The following ZKSCAN1 variants were observed in gnomAD, a reference collection of about 807,000 sequenced individuals.
ZKSCAN1 encodes zinc finger protein with KRAB and SCAN domains 1.
In ZKSCAN1, 14 loss-of-function variants were observed where a neutral mutation model predicts 51.6. The observed-to-expected ratio is 0.27, with a 90% CI of 0.18 to 0.42. The LOEUF is 0.42. Among genes scored for constraint, ZKSCAN1 ranks in the 10% least tolerant of loss-of-function variants. ZKSCAN1 has a pLI of 1.00. For synonymous variants in ZKSCAN1, 263 were observed against 261.5 expected, an observed-to-expected ratio of 1.01 and a Z score of -0.06; for missense variants, 531 against 710.0, an observed-to-expected ratio of 0.75 and a Z score of 2.86.
At position 100,033,939 on chromosome 7, in the gene ZKSCAN1, G is replaced by A; in HGVS notation, c.1434G>A (p.Lys478=). Residue 478 remains lysine, a synonymous_variant, in exon 6 of 6, where the codon AAG becomes AAA. Transcript: ENST00000324306. The surrounding 1 kb of genome is among the most constrained non-coding windows in gnomAD (Gnocchi z 4.1). ...TCAGCCAGAGCTCGGACCTCACCAA[G>A]CATCAGAGAATTCACACGGGGGAGA... ...KAFSQSSDLT[K]HQRIHTGEKP... 2 of 1,614,192 alleles carry A rather than the reference G, an allele frequency of 1.2e-6. No homozygotes were observed. Among genetic ancestry groups the A allele is most frequent in the South Asian group, 2.2e-5 (2 of 91,084 alleles).
At chr7:100,029,836 T>G in intron 3 of ZKSCAN1, 25 bp from the exon 4 acceptor site, 1 of 1,610,244 alleles carries the variant, frequency 6.2e-7, no homozygotes, top group Non-Finnish European at 8.5e-7. Context: ...GCTGATTTAC[T>G]CACAGACCCT....
At chr7:100,024,463 G>A (rs757822062) in intron 3 of ZKSCAN1, 156 bp downstream of exon 3, 73 of 925,106 alleles carry the variant, frequency 7.9e-5, no homozygotes, top group Non-Finnish European at 9.3e-5. Flanking sequence ...GTATAGTGGC[G>A]CACACCTGTG....
downstream of ZKSCAN1, among the ~76,000 whole-genome samples, chr7:100,044,211 C>T (rs867876196): frequency 8.5e-5 from 13 of 152,152 alleles, no homozygotes; most frequent in African/African-American, 3.1e-4. Flanking sequence ...GATCATTTTC[C>T]ATACACTGAC....
chr7:100,023,290 C>T (rs1010631458), intron 1 of ZKSCAN1, 129 bp from the exon 2 acceptor site: 11 of 487,142 alleles, frequency 2.3e-5, no homozygotes, highest in Non-Finnish European at 3.6e-5. Context: ...AGATTACAGG[C>T]GTGAGCCACC....
chr7:100,026,816 G>T (rs1790856530), intron 3 of ZKSCAN1, among the ~76,000 whole-genome samples: 1 of 151,848 alleles, frequency 6.6e-6, no homozygotes, highest in Non-Finnish European at 1.5e-5. Context: ...TTAACTTTTT[G>T]ACTGTTGTAA....
chr7:100,034,572 G>C lies in ZKSCAN1; in HGVS notation c.*375G>C. 1 of 1,004,872 alleles carries C rather than the reference G, an allele frequency of 1.0e-6. No homozygotes were observed. The highest frequency in any genetic ancestry group is 5.0e-4 in the Middle Eastern group (1 of 2,010). The allele number at this position is 1,004,872 out of a possible 1,614,324, so 62.2% of individuals were successfully genotyped here. A position where few individuals can be genotyped will look rare whatever the true frequency, so the allele number is the denominator to read the frequency against. ...AAGATTGGCTCCACGAAAGTGATAC[G>C]GAGGTTAGGATGCTACTTGCTGCAA... On this transcript the variant is annotated 3_prime_UTR_variant, in exon 6 of 6. Transcript: ENST00000324306.
intron 3 of ZKSCAN1, among the ~76,000 whole-genome samples, chr7:100,028,557 T>C (rs893488602): frequency 6.6e-6 from 1 of 152,166 alleles, no homozygotes; most frequent in Non-Finnish European, 1.5e-5. Flanking sequence ...TCATTCAGTT[T>C]CAAATTCATT....
rs1304746623 is a variant in ZKSCAN1 at position 100,041,497 on chromosome 7, A to G, written c.*7300A>G. 1.0e-6 allele frequency: 1 copy of G among 985,336 alleles called. No individual in the cohort carries two copies. The highest frequency in any genetic ancestry group is 1.2e-6 in the Non-Finnish European group (1 of 829,940). 61.0% of individuals were successfully genotyped at this position (985,336 alleles called of 1,614,324 possible). On this transcript the variant is annotated 3_prime_UTR_variant, in exon 6 of 6. Transcript: ENST00000324306. ...TGAGGGCTAAAGTTTTAATCATAAG[A>G]GAAAAGGCAGCATAATGAAATGTGT... is the stretch of plus-strand genomic sequence containing the variant.
downstream of ZKSCAN1, among the ~76,000 whole-genome samples, chr7:100,043,085 C>G (rs1333493156): frequency 2.0e-5 from 3 of 152,018 alleles, no homozygotes; most frequent in Non-Finnish European, 4.4e-5. Flanking sequence ...CAGGCGTGAG[C>G]CACCGCACCT....
At chr7:100,022,998 T>G (rs1363959698) in intron 1 of ZKSCAN1, among the ~76,000 whole-genome samples, 1 of 152,148 alleles carries the variant, frequency 6.6e-6, no homozygotes, top group Admixed American at 6.6e-5. Context: ...TACAGTTTTT[T>G]CCTCGATTTG....
At position 100,041,600 on chromosome 7, in the gene ZKSCAN1, G is replaced by A; in HGVS notation, c.*7403G>A. 1.0e-6 allele frequency: 1 copy of A among 985,404 alleles called. No homozygotes were observed. Among genetic ancestry groups the A allele is most frequent in the Non-Finnish European group, 1.2e-6 (1 of 829,926 alleles). 61.0% of individuals were successfully genotyped at this position (985,404 alleles called of 1,614,324 possible). On this transcript the variant is annotated 3_prime_UTR_variant, in exon 6 of 6. Transcript: ENST00000324306. The stretch of plus-strand genomic sequence containing the variant: ...AAATGTTAAGAGTAGTGAGGTTGAG[G>A]AAGGAAATTGTGGGGATTTGAAATA...
In ZKSCAN1 at chr7:100,024,190, A is replaced by C; in HGVS notation, c.463A>C (p.Arg155=). The C allele has an allele frequency of 1.9e-6, 3 of 1,614,072 alleles. No homozygotes were observed. Among genetic ancestry groups the C allele is most frequent in the Non-Finnish European group, 2.5e-6 (3 of 1,180,012 alleles). ...AGTTCATGGACCTGAGATGCTCGCAAGGGGGATGGTGCCTCTGGATCCAGT... is the reference window on the plus strand; with the variant it reads ...AGTTCATGGACCTGAGATGCTCGCACGGGGGATGGTGCCTCTGGATCCAGT... ...GQVHGPEMLA[R]GMVPLDPVQE... Residue 155 remains arginine (R), a synonymous_variant, in exon 3 of 6, where the codon AGG becomes CGG. Coordinates refer to ENST00000324306, the MANE Select transcript of ZKSCAN1 (RefSeq NM_003439.4).
At chr7:100,028,574 A>C (rs1790948456) in intron 3 of ZKSCAN1, among the ~76,000 whole-genome samples, 1 of 152,154 alleles carries the variant, frequency 6.6e-6, no homozygotes, top group Non-Finnish European at 1.5e-5. Flanking sequence ...CATTTCTCAA[A>C]TATCCTTGTA....
chr7:100,041,752 T>C (rs1791603523), downstream of ZKSCAN1: 1 of 985,084 alleles, frequency 1.0e-6, no homozygotes, highest in Non-Finnish European at 1.2e-6. Flanking sequence ...TAAATACACA[T>C]TGGGGGTGAA....
Position 100,022,978 on chromosome 7 carries a change from G to T in ZKSCAN1, c.-88-441G>T, listed in dbSNP as rs566393021. Among the ~76,000 whole-genome samples, 255 of 152,098 alleles carry T rather than the reference G, an allele frequency of 1.7e-3. 2 individuals are homozygous for T. The highest frequency in any genetic ancestry group is 6.0e-3 in the African/African-American group (248 of 41,508). The stretch of plus-strand genomic sequence containing the variant: ...GCAAATCTTGATATATGAAGTGACA[G>T]TGGAGATTGTACAGTTTTTTCCTCG... On this transcript the variant is annotated intron_variant, in intron 1 of 5. Transcript: ENST00000324306.
chr7:100,030,051 C>A, intron 4 of ZKSCAN1, 99 bp downstream of exon 4: 1 of 1,454,434 alleles, frequency 6.9e-7, no homozygotes, highest in Non-Finnish European at 9.5e-7. Context: ...TGCCCCTGCT[C>A]TCAAAGAAGC....
intron 3 of ZKSCAN1, 146 bp from the exon 4 acceptor site, chr7:100,029,715 C>G (rs938990144): frequency 1.4e-6 from 1 of 690,976 alleles, no homozygotes; most frequent in Admixed American, 3.0e-5. Flanking sequence ...TGTGTTCTCT[C>G]GTTTGTGTTG....
rs192337408 is a variant in ZKSCAN1, at chr7:100,035,917, C to A, written c.*1720C>A. 170 of 985,396 alleles carry A rather than the reference C, an allele frequency of 1.7e-4. No individual in the cohort carries two copies. In the African/African-American group the frequency reaches 2.7e-3, roughly 16 times the overall value. 61.0% of individuals were successfully genotyped at this position (985,396 alleles called of 1,614,324 possible). A position where few individuals can be genotyped will look rare whatever the true frequency, so the allele number is the denominator to read the frequency against. On this transcript the variant is annotated 3_prime_UTR_variant, in exon 6 of 6. Transcript: ENST00000324306. ...CAAGGGTCCTACCCAAGGCTAGGACCGCCCTGCGGAAACAGAAACATAGAC... is the reference window on the plus strand; with the variant it reads ...CAAGGGTCCTACCCAAGGCTAGGACAGCCCTGCGGAAACAGAAACATAGAC...
In ZKSCAN1 at chr7:100,033,128, C is replaced by T. The variant is rs1304401036; in HGVS notation, c.800-177C>T. Among the ~76,000 whole-genome samples, 3 of 152,086 alleles carry T rather than the reference C, an allele frequency of 2.0e-5. No individual in the cohort carries two copies. The highest frequency in any genetic ancestry group is 4.4e-5 in the Non-Finnish European group (3 of 68,024). ...CGGAGGTTGCAGTGAACTGAGATCA[C>T]GTCACTGCACTCCAGCCTGGGCGAC... On this transcript the variant is annotated intron_variant, in intron 5 of 5. Coordinates refer to ENST00000324306, the MANE Select transcript of ZKSCAN1 (RefSeq NM_003439.4). This position sits in a 1 kb window ranked among gnomAD's most constrained non-coding sequence, Gnocchi z 4.1.
Sources: gnomAD v4.1 joint callset for allele counts (sites outside exome capture counted in the v4.1 genomes callset) on GRCh38, gnomAD v4.1.1 for gene constraint, Gnocchi (gnomAD v3.1) non-coding constraint, MANE v1.5 for transcripts, NCBI Gene and HGNC (gene_info 2026-07-23, HGNC 2026-07-21) for gene names.